CTNND2: variants seen among roughly 807,000 people sequenced by gnomAD.
CTNND2 encodes the protein catenin delta 2.
In CTNND2, 22 loss-of-function variants were observed where a neutral mutation model predicts 144.4. The ratio of observed to expected loss-of-function variants is 0.15; its 90% CI spans 0.11 to 0.22. The LOEUF (loss-of-function observed/expected upper bound fraction) is 0.22, where lower values mean the gene tolerates loss of function less well. Among genes scored for constraint, CTNND2 ranks in the 10% least tolerant of loss-of-function variants. CTNND2 has a pLI of 1.00. For missense variants in CTNND2, 1,353 were observed against 1,618.8 expected (o/e 0.84, Z 2.82); for synonymous variants, 751 against 695.6 (o/e 1.08, Z -1.25).
intron 1 of CTNND2, among the ~76,000 whole-genome samples, chr5:11,816,634 GGGGGGGA>G: frequency 2.2e-5 from 1 of 45,572 alleles, no homozygotes; most frequent in Middle Eastern, 0.014. Flanking sequence ...AAGAGGGAGA[GGGGGGGA>G]AGAGAGAGAG....
At chr5:11,618,142 T>C (rs1780666964) in intron 2 of CTNND2, among the ~76,000 whole-genome samples, 1 of 152,084 alleles carries the variant, frequency 6.6e-6, no homozygotes, top group South Asian at 2.1e-4. Flanking sequence ...TGTGTCATGA[T>C]GTCCATTTCA....
chr5:10,981,987 G>C (rs371533826), intron 20 of CTNND2, 141 bp from the exon 21 acceptor site: 3 of 647,484 alleles, frequency 4.6e-6, no homozygotes, highest in Non-Finnish European at 8.1e-6. Flanking sequence ...CTTTGGCCCT[G>C]AACACTTCAT....
At chr5:11,430,498 T>C (rs1367095123) in intron 3 of CTNND2, among the ~76,000 whole-genome samples, 1 of 150,852 alleles carries the variant, frequency 6.6e-6, no homozygotes, top group Non-Finnish European at 1.5e-5. Context: ...ATCTTCAAAA[T>C]GCAGGAAAGT....
At chr5:11,473,408 A>G (rs1767418192) in intron 3 of CTNND2, among the ~76,000 whole-genome samples, 1 of 152,208 alleles carries the variant, frequency 6.6e-6, no homozygotes, top group South Asian at 2.1e-4. Flanking sequence ...TAAAGACATA[A>G]GCAACACATG....
chr5:11,340,625 T>G (rs1432480154), intron 9 of CTNND2, among the ~76,000 whole-genome samples: 1 of 152,226 alleles, frequency 6.6e-6, no homozygotes, highest in Non-Finnish European at 1.5e-5. Flanking sequence ...AAGAAGTGAA[T>G]GTAAAGTTCT....
chr5:11,673,555 A>G (rs1386496943), intron 2 of CTNND2, among the ~76,000 whole-genome samples: 1 of 152,172 alleles, frequency 6.6e-6, no homozygotes, highest in Non-Finnish European at 1.5e-5. Context: ...TGCTTTACAT[A>G]TGGAAATTCA....
Position 11,110,845 on chromosome 5 carries a change from C to A in CTNND2, c.2463+13G>T. 6.2e-6 allele frequency: 10 copies of A among 1,605,334 alleles called. No individual in the cohort carries two copies. The highest frequency in any genetic ancestry group is 8.5e-6 in the Non-Finnish European group (10 of 1,176,060). ...GGGGATAATTGCATGCAGCTGCAAG[C>A]AGCCTGCATCACCTGATCTTGGGAT... On this transcript the variant is annotated intron_variant, in intron 14 of 21. Coordinates refer to ENST00000304623, the MANE Select transcript of CTNND2 (RefSeq NM_001332.4).
intron 9 of CTNND2, among the ~76,000 whole-genome samples, chr5:11,319,738 C>T (rs557924799): frequency 6.6e-6 from 1 of 152,288 alleles, no homozygotes; most frequent in South Asian, 2.1e-4. Context: ...CCACGCTGGT[C>T]TCGAACTCCT....
intron 8 of CTNND2, among the ~76,000 whole-genome samples, chr5:11,350,921 C>CTAT (rs1005910438): frequency 1.3e-4 from 19 of 151,884 alleles, no homozygotes; most frequent in African/African-American, 4.6e-4. Flanking sequence ...AATAAATGAG[C>CTAT]TATTATTATT....
chr5:11,620,598 C>T (rs1406314486), intron 2 of CTNND2, among the ~76,000 whole-genome samples: 1 of 152,172 alleles, frequency 6.6e-6, no homozygotes, highest in Non-Finnish European at 1.5e-5. Flanking sequence ...TGGGGTGCCC[C>T]TCATTTTGGG....
At chr5:11,339,633 C>T (rs1277462012) in intron 9 of CTNND2, among the ~76,000 whole-genome samples, 1 of 152,112 alleles carries the variant, frequency 6.6e-6, no homozygotes, top group Non-Finnish European at 1.5e-5. Flanking sequence ...AACCTAATCA[C>T]AAATGTGATG....
At chr5:11,445,923 A>G (rs566312026) in intron 3 of CTNND2, among the ~76,000 whole-genome samples, 68 of 152,360 alleles carry the variant, frequency 4.5e-4, no homozygotes, top group African/African-American at 1.3e-3. Flanking sequence ...GGACACAGAC[A>G]ACATGTATCA....
At chr5:11,130,508 C>T (rs1002787733) in intron 12 of CTNND2, among the ~76,000 whole-genome samples, 2 of 152,108 alleles carry the variant, frequency 1.3e-5, no homozygotes, top group South Asian at 2.1e-4. Flanking sequence ...AACTGATGGT[C>T]GCCACAGAGT....
chr5:11,162,560 C>G (rs1326790076), intron 11 of CTNND2, among the ~76,000 whole-genome samples: 2 of 152,174 alleles, frequency 1.3e-5, no homozygotes, highest in African/African-American at 4.8e-5. Flanking sequence ...ATCCATATCT[C>G]TGAACCATCT....
At chr5:11,010,563 T>G (rs1372235013) in intron 18 of CTNND2, among the ~76,000 whole-genome samples, 1 of 152,246 alleles carries the variant, frequency 6.6e-6, no homozygotes, top group Admixed American at 6.5e-5. Context: ...CCATGGCTAC[T>G]GGCTCATCTA....
At chr5:11,899,135 C>T (rs997394919) in intron 1 of CTNND2, among the ~76,000 whole-genome samples, 1 of 152,128 alleles carries the variant, frequency 6.6e-6, no homozygotes, top group Non-Finnish European at 1.5e-5. Context: ...GGGAGGGGGT[C>T]TTCCCTTTAT....
At chr5:10,981,194 C>T (rs1437096101) in intron 21 of CTNND2, among the ~76,000 whole-genome samples, 1 of 152,192 alleles carries the variant, frequency 6.6e-6, no homozygotes, top group Non-Finnish European at 1.5e-5. Context: ...AGAATCTCTC[C>T]TGTGTTTCTA....
At chr5:11,151,708 T>C (rs1224972421) in intron 12 of CTNND2, among the ~76,000 whole-genome samples, 16 of 152,184 alleles carry the variant, frequency 1.1e-4, no homozygotes, top group Non-Finnish European at 2.4e-4. Context: ...ATTAAGTAGA[T>C]CAAAGTTTGC....
At chr5:11,330,508 A>AAG (rs1489353489) in intron 9 of CTNND2, among the ~76,000 whole-genome samples, 1 of 148,162 alleles carries the variant, frequency 6.7e-6, no homozygotes, top group Non-Finnish European at 1.5e-5. Context: ...AAAAAAAAAA[A>AAG]AGAAAGGAAA....
Sources: allele counts gnomAD v4.1 joint callset (sites outside exome capture counted in the v4.1 genomes callset), GRCh38; gene constraint gnomAD v4.1.1; transcripts MANE v1.5; gene names NCBI Gene and HGNC (gene_info 2026-07-23, HGNC 2026-07-21).